Variants in RAD21 observed in about 807,000 individuals in gnomAD.
RAD21 encodes the protein double-strand-break repair protein rad21 homolog.
Under a neutral mutation model 71.5 loss-of-function variants are expected in RAD21, and 18 were observed. The ratio of observed to expected loss-of-function variants is 0.25; its 90% CI spans 0.17 to 0.37. The LOEUF (loss-of-function observed/expected upper bound fraction) is 0.37. Ranked by LOEUF, RAD21 falls within the 10% of genes least tolerant of loss-of-function variation. The pLI is 1.00. For synonymous variants in RAD21, 248 were observed against 254.0 expected (o/e 0.98, Z 0.22); for missense variants, 493 against 769.1 (o/e 0.64, Z 4.25).
intron 5 of RAD21, among the ~76,000 whole-genome samples, chr8:116,857,794 C>T (rs917506539): frequency 4.1e-5 from 5 of 122,692 alleles, no homozygotes; most frequent in Non-Finnish European, 9.3e-5. Context: ...GAAACTTTCC[C>T]GTTATAATGT....
At chr8:116,872,270 T>G (rs1334450886) in intron 1 of RAD21, among the ~76,000 whole-genome samples, 1 of 152,176 alleles carries the variant, frequency 6.6e-6, no homozygotes, top group Admixed American at 6.5e-5. Flanking sequence ...CTGGAACCAA[T>G]TCCCCTTTAA....
chr8:116,857,266 C>T lies in RAD21; in HGVS notation c.688+1G>A. ...CTGGAATAACCATCATTCCCACATA[C>T]CTAATATTCCACCATCATTTCCTTC... On this transcript the variant is annotated splice_donor_variant, in intron 6 of 13. Transcript: ENST00000297338. LOFTEE classifies it high-confidence loss of function. 6.2e-7 allele frequency: 1 copy of T among 1,600,142 alleles called. No individual in the cohort carries two copies. The highest frequency in any genetic ancestry group is 8.5e-7 in the Non-Finnish European group (1 of 1,169,984).
At chr8:116,854,201 T>C (rs1478335610) in intron 9 of RAD21, 44 bp downstream of exon 9, 9 of 1,409,634 alleles carry the variant, frequency 6.4e-6, no homozygotes, top group Middle Eastern at 2.2e-4. Flanking sequence ...TTTTTTTAGA[T>C]GCTCAAAATG....
rs1342945567 is a variant in RAD21 at position 116,857,338 on chromosome 8, A to C, written c.617T>G (p.Ile206Ser). 2.5e-6 allele frequency: 4 copies of C among 1,612,186 alleles called. No homozygotes were observed. The highest frequency in any genetic ancestry group is 3.4e-6 in the Non-Finnish European group (4 of 1,179,524). The change falls in exon 6 of 14, where the codon ATT becomes AGT. Residue 206 changes from isoleucine (I) to serine (S), a missense_variant. Ile to Ser is a moderately radical substitution (Grantham distance 142). Around this residue, in one of 5 missense-constraint regions of RAD21, gnomAD observed 165 missense variants for 229.6 expected, o/e 0.72. Transcript: ENST00000297338. ...TTGATCTTCATATTCTAAATGGTTA[A>C]TTTTCTCATTCAGATTGCTGGTGCT... is the stretch of plus-strand genomic sequence containing the variant. ...EQSTSNLNEK[I>S]NHLEYEDQYK...
chr8:116,862,025 A>C, intron 3 of RAD21, 85 bp from the exon 4 acceptor site: 1 of 1,020,396 alleles, frequency 9.8e-7, no homozygotes, highest in Non-Finnish European at 1.5e-6. Context: ...ATAACTTCCT[A>C]AGTTTATATT....
At chr8:116,855,877 A>G (rs1456793874) in intron 8 of RAD21, among the ~76,000 whole-genome samples, 1 of 152,182 alleles carries the variant, frequency 6.6e-6, no homozygotes, top group Admixed American at 6.6e-5. Context: ...CATTATCAGA[A>G]AGCTTGTTCT....
At chr8:116,870,132 T>C (rs1812781396) in intron 1 of RAD21, among the ~76,000 whole-genome samples, 2 of 152,166 alleles carry the variant, frequency 1.3e-5, no homozygotes, top group Non-Finnish European at 2.9e-5. Flanking sequence ...CCCAAAGGAT[T>C]ATTAATTCAT....
chr8:116,865,225 G>A, intron 2 of RAD21, among the ~76,000 whole-genome samples: 1 of 152,002 alleles, frequency 6.6e-6, no homozygotes, highest in Admixed American at 6.6e-5. Flanking sequence ...GGCTGTTCGT[G>A]TATATGTTCA....
chr8:116,860,587 T>A (rs1454572780), intron 4 of RAD21, among the ~76,000 whole-genome samples: 3 of 152,282 alleles, frequency 2.0e-5, no homozygotes. Context: ...ATCACTAGCA[T>A]TTTTTTGCAG....
intron 4 of RAD21, 102 bp downstream of exon 4, chr8:116,861,739 C>A: frequency 1.4e-6 from 1 of 733,662 alleles, no homozygotes; most frequent in South Asian, 1.7e-5. Flanking sequence ...TGCATTTTAG[C>A]TGTTAATGTA....
In RAD21 at chr8:116,863,111, C is replaced by A; in HGVS notation, c.274+19G>T. On this transcript the variant is annotated intron_variant, in intron 3 of 13. Transcript: ENST00000297338. ...CAAAGTAAACAACAACAACAAAAAC[C>A]AAACAAGTTTAACAATACCTGGCCG... 1.3e-6 allele frequency: 2 copies of A among 1,581,794 alleles called. No individual in the cohort carries two copies. Among genetic ancestry groups the A allele is most frequent in the South Asian group, 1.1e-5 (1 of 87,418 alleles).
chr8:116,852,676 T>C lies in RAD21; in HGVS notation c.1194A>G (p.Pro398=). 1.2e-6 allele frequency: 2 copies of C among 1,612,118 alleles called. No homozygotes were observed. Among genetic ancestry groups the C allele is most frequent in the Non-Finnish European group, 1.7e-6 (2 of 1,179,222 alleles). Reference sequence around the variant, plus strand: ...CTTTCCTCCTTTTTCTAAGGTCTTCTGGTACAAGCGGTGTAAGACAGCGTG... The same window carrying C: ...CTTTCCTCCTTTTTCTAAGGTCTTCCGGTACAAGCGGTGTAAGACAGCGTG... The part of the protein sequence containing the change: ...LFTRCLTPLV[P]EDLRKRRKGG... Residue 398 remains proline, a synonymous_variant, in exon 10 of 14, where the codon CCA becomes CCG. Coordinates refer to ENST00000297338, the MANE Select transcript of RAD21 (RefSeq NM_006265.3).
chr8:116,847,423 G>T lies in RAD21; in HGVS notation c.*77C>A. On this transcript the variant is annotated 3_prime_UTR_variant, in exon 14 of 14. Transcript: ENST00000297338. ...GACAAAAATCTAAGTTTTCTCAAAG[G>T]GTTCTGTGTCCCCTACACATGGGGG... 1 of 1,230,464 alleles carries T rather than the reference G, an allele frequency of 8.1e-7. No homozygotes were observed. Among genetic ancestry groups the T allele is most frequent in the Non-Finnish European group, 1.1e-6 (1 of 902,148 alleles). The allele number at this position is 1,230,464 out of a possible 1,614,324, so 76.2% of individuals were successfully genotyped here.
chr8:116,869,348 G>A (rs1812761890), intron 1 of RAD21, among the ~76,000 whole-genome samples: 1 of 152,186 alleles, frequency 6.6e-6, no homozygotes, highest in Non-Finnish European at 1.5e-5. Context: ...ACTTTGGCAG[G>A]CCAAGACAGG....
chr8:116,846,075 C>T lies in RAD21; in HGVS notation c.*1425G>A, dbSNP rs746310964. On this transcript the variant is annotated 3_prime_UTR_variant, in exon 14 of 14. Coordinates refer to ENST00000297338, the MANE Select transcript of RAD21 (RefSeq NM_006265.3). The stretch of plus-strand genomic sequence containing the variant: ...AAGAAACTAATGACCTTTCTAAAAT[C>T]AAACATTCAATTATCTACAATGTCT... 4.3e-6 allele frequency: 1 copy of T among 230,922 alleles called. No individual in the cohort carries two copies. The highest frequency in any genetic ancestry group is 8.6e-6 in the Non-Finnish European group (1 of 116,458). 14.3% of individuals were successfully genotyped at this position (230,922 alleles called of 1,614,324 possible).
chr8:116,860,632 T>C (rs1812572944), intron 4 of RAD21, among the ~76,000 whole-genome samples: 1 of 150,794 alleles, frequency 6.6e-6, no homozygotes, highest in Non-Finnish European at 1.5e-5. Flanking sequence ...TTTTTAAACA[T>C]AATGCTATTA....
In RAD21 at chr8:116,874,661, A is replaced by G. The variant is rs1195719401; in HGVS notation, c.-83T>C. ...GGCTGGGTGGCCCGGGGAGGGGAAA[A>G]GGGTCGGGGGAGGGGGTGGGGAAAG... is the stretch of plus-strand genomic sequence containing the variant. On this transcript the variant is annotated 5_prime_UTR_variant, in exon 1 of 14. Coordinates refer to ENST00000297338, the MANE Select transcript of RAD21 (RefSeq NM_006265.3). 1 of 240,456 alleles carries G rather than the reference A, an allele frequency of 4.2e-6. No individual in the cohort carries two copies. Among genetic ancestry groups the G allele is most frequent in the Non-Finnish European group, 7.7e-6 (1 of 130,692 alleles). The allele number at this position is 240,456 out of a possible 1,614,324, so 14.9% of individuals were successfully genotyped here.
intron 11 of RAD21, 180 bp downstream of exon 11, chr8:116,851,768 C>T (rs1006632911): frequency 3.7e-5 from 20 of 535,654 alleles, no homozygotes; most frequent in Non-Finnish European, 6.0e-5. Flanking sequence ...CACCGACTCC[C>T]AGAACATATT....
chr8:116,868,252 T>C (rs1224639557), intron 1 of RAD21, among the ~76,000 whole-genome samples: 1 of 152,196 alleles, frequency 6.6e-6, no homozygotes, highest in Admixed American at 6.5e-5. Flanking sequence ...AATCATATGG[T>C]ATGTGACTTC....
Sources: gnomAD v4.1 joint callset for allele counts (sites outside exome capture counted in the v4.1 genomes callset) on GRCh38, gnomAD v4.1.1 for gene constraint, gnomAD v4.1.1 regional missense constraint, MANE v1.5 for transcripts, NCBI Gene and HGNC (gene_info 2026-07-23, HGNC 2026-07-21) for gene names.